Variants in TNFRSF12A observed in about 807,000 individuals in gnomAD.
TNFRSF12A encodes TNF receptor superfamily member 12A.
TNFRSF12A carries 13 observed loss-of-function variants against 15.5 expected under a neutral mutation model. The ratio of observed to expected loss-of-function variants is 0.84; its 90% CI spans 0.54 to 1.33. TNFRSF12A has a LOEUF of 1.33. Among genes scored for constraint, TNFRSF12A ranks in the 40% most tolerant of loss-of-function variants. The probability of loss-of-function intolerance (pLI) is 0.00; values close to 1 mark genes in which losing one functional copy is unlikely to be tolerated. For synonymous variants in TNFRSF12A, 89 were observed against 78.4 expected (o/e 1.14, Z -0.71); for missense variants, 174 against 173.6 (o/e 1.00, Z -0.01).
At chr16:3,021,728 G>A (rs779552757) in intron 3 of TNFRSF12A, 39 bp downstream of exon 3, 1 of 1,611,146 alleles carries the variant, frequency 6.2e-7, no homozygotes, top group Non-Finnish European at 8.5e-7. Context: ...GTCAGCACTC[G>A]ACCTTTTCTC....
rs2072620632 is a variant in TNFRSF12A at position 3,022,199 on chromosome 16, T to A, written c.*373T>A. 1 of 399,906 alleles carries A rather than the reference T, an allele frequency of 2.5e-6. No individual in the cohort carries two copies. Among genetic ancestry groups the A allele is most frequent in the Non-Finnish European group, 4.4e-6 (1 of 226,392 alleles). The allele number at this position is 399,906 out of a possible 1,614,324, so 24.8% of individuals were successfully genotyped here. Reference sequence around the variant, plus strand: ...CCCACTCACTCAGATGTCCTGAAATTCCACCACGGGGGTCACCCTGGGGGG... The same window carrying A: ...CCCACTCACTCAGATGTCCTGAAATACCACCACGGGGGTCACCCTGGGGGG... On this transcript the variant is annotated 3_prime_UTR_variant, in exon 4 of 4. Transcript: ENST00000326577.
At chr16:3,021,458 G>A in intron 2 of TNFRSF12A, 97 bp from the exon 3 acceptor site, 1 of 1,445,532 alleles carries the variant, frequency 6.9e-7, no homozygotes, top group South Asian at 1.4e-5. Context: ...CTCCGGTCAG[G>A]GAGGAGGCCA....
rs768638892 is a variant in TNFRSF12A, at chr16:3,020,383, C to T, written c.-15C>T. The stretch of plus-strand genomic sequence containing the variant: ...GGCGGCGGGCGCAGACAGCGGCGGG[C>T]GCAGGACGTGCACTATGGCTCGGGG... On this transcript the variant is annotated 5_prime_UTR_variant, in exon 1 of 4. Coordinates refer to ENST00000326577, the MANE Select transcript of TNFRSF12A (RefSeq NM_016639.3). The T allele has an allele frequency of 9.3e-6, 12 of 1,285,226 alleles. No homozygotes were observed. The highest frequency in any genetic ancestry group is 1.2e-5 in the Non-Finnish European group (12 of 1,016,212). 79.6% of individuals were successfully genotyped at this position (1,285,226 alleles called of 1,614,324 possible).
intron 1 of TNFRSF12A, chr16:3,020,846 A>T (rs1225992973): frequency 2.5e-6 from 1 of 406,426 alleles, no homozygotes; most frequent in East Asian, 3.6e-5. Flanking sequence ...GTGATCGACG[A>T]GTTGGGGAGG....
rs1249561897 is a variant in TNFRSF12A, at chr16:3,022,068, T to C, written c.*242T>C. 5.6e-6 allele frequency: 3 copies of C among 533,920 alleles called. No homozygotes were observed. Among genetic ancestry groups the C allele is most frequent in the African/African-American group, 3.9e-5 (2 of 51,356 alleles). The allele number at this position is 533,920 out of a possible 1,614,324, so 33.1% of individuals were successfully genotyped here. The stretch of plus-strand genomic sequence containing the variant: ...CTCACGCTGGCTCACACAAAACAGC[T>C]GACACTGACTAAGGAACTGCAGCAT... On this transcript the variant is annotated 3_prime_UTR_variant, in exon 4 of 4. Coordinates refer to ENST00000326577, the MANE Select transcript of TNFRSF12A (RefSeq NM_016639.3).
At chr16:3,020,657 A>G (rs1337423820) in intron 1 of TNFRSF12A, 166 bp downstream of exon 1, 4 of 430,152 alleles carry the variant, frequency 9.3e-6, no homozygotes, top group Non-Finnish European at 1.2e-5. Flanking sequence ...TCACTCTCCA[A>G]GCTTCATTCA....
Position 3,022,215 on chromosome 16 carries a change from C to T in TNFRSF12A, c.*389C>T. On this transcript the variant is annotated 3_prime_UTR_variant, in exon 4 of 4. Coordinates refer to ENST00000326577, the MANE Select transcript of TNFRSF12A (RefSeq NM_016639.3). ...TCCTGAAATTCCACCACGGGGGTCA[C>T]CCTGGGGGGTTAGGGACCTATTTTT... 1 of 392,918 alleles carries T rather than the reference C, an allele frequency of 2.5e-6. No homozygotes were observed. Among genetic ancestry groups the T allele is most frequent in the Admixed American group, 4.5e-5 (1 of 22,332 alleles). The allele number at this position is 392,918 out of a possible 1,614,324, so 24.3% of individuals were successfully genotyped here.
chr16:3,021,184 C>T (rs1294458764), intron 1 of TNFRSF12A, 31 bp from the exon 2 acceptor site: 5 of 1,279,012 alleles, frequency 3.9e-6, no homozygotes, highest in East Asian at 5.0e-5. Context: ...GAGTCCCGCC[C>T]CCAGCCTCTG....
rs1475652987 is a variant in TNFRSF12A at position 3,020,475 on chromosome 16, C to T, written c.78C>T (p.Ala26=). 1 of 1,294,390 alleles carries T rather than the reference C, an allele frequency of 7.7e-7. No individual in the cohort carries two copies. Among genetic ancestry groups the T allele is most frequent in the Non-Finnish European group, 9.8e-7 (1 of 1,020,084 alleles). The allele number at this position is 1,294,390 out of a possible 1,614,324, so 80.2% of individuals were successfully genotyped here. ...GLWLALLRSV[A]GEQAPGTAPC... The stretch of plus-strand genomic sequence containing the variant: ...GGCTGGCGTTGCTGCGCTCCGTGGC[C>T]GGGGAGCAAGCGCCAGGTACGCGGG... The change falls in exon 1 of 4, where the codon GCC becomes GCT. Residue 26 remains alanine, a synonymous_variant. Transcript: ENST00000326577.
At position 3,022,027 on chromosome 16, in the gene TNFRSF12A, A is replaced by G. The variant is rs2072617590; in HGVS notation, c.*201A>G. ...GTCTGGTTGCCCTGCCTCTGGCTCC[A>G]GAACAGAAAGGGAGCCTCACGCTGG... On this transcript the variant is annotated 3_prime_UTR_variant, in exon 4 of 4. Coordinates refer to ENST00000326577, the MANE Select transcript of TNFRSF12A (RefSeq NM_016639.3). 1.7e-6 allele frequency: 1 copy of G among 580,058 alleles called. No individual in the cohort carries two copies. The highest frequency in any genetic ancestry group is 3.0e-5 in the East Asian group (1 of 33,124). The allele number at this position is 580,058 out of a possible 1,614,324, so 35.9% of individuals were successfully genotyped here.
At chr16:3,020,542 G>T in intron 1 of TNFRSF12A, 51 bp downstream of exon 1, 3 of 1,225,144 alleles carry the variant, frequency 2.4e-6, no homozygotes, top group Non-Finnish European at 3.1e-6. Context: ...TCGGGAGCCG[G>T]ACTGGGTGTC....
chr16:3,021,262 A>C lies in TNFRSF12A; in HGVS notation c.142A>C (p.Lys48Gln). ...CAGCTCCTGGAGCGCGGACCTGGACAAGTGCATGGACTGCGCGTCTTGCAG... is the reference window on the plus strand; with the variant it reads ...CAGCTCCTGGAGCGCGGACCTGGACCAGTGCATGGACTGCGCGTCTTGCAG... ...RGSSWSADLD[K>Q]CMDCASCRAR... The change falls in exon 2 of 4, where the codon AAG (lysine) becomes CAG (glutamine). Residue 48 changes from lysine (K) to glutamine (Q), a missense_variant. Lys to Gln is a moderately conservative substitution (Grantham distance 53). Transcript: ENST00000326577. 6.3e-7 allele frequency: 1 copy of C among 1,592,928 alleles called. No homozygotes were observed. Among genetic ancestry groups the C allele is most frequent in the Non-Finnish European group, 8.5e-7 (1 of 1,175,160 alleles).
chr16:3,020,877 CTGT>C, intron 1 of TNFRSF12A: 2 of 426,168 alleles, frequency 4.7e-6, no homozygotes, highest in Non-Finnish European at 8.2e-6. Context: ...GCACTAGGGT[CTGT>C]GCCCTCTATA....
chr16:3,020,812 C>A lies in TNFRSF12A; in HGVS notation c.94+321C>A. 3 of 400,094 alleles carry A rather than the reference C, an allele frequency of 7.5e-6. No individual in the cohort carries two copies. The South Asian group carries it at 3.5e-4, about 47-fold the overall frequency. 24.8% of individuals were successfully genotyped at this position (400,094 alleles called of 1,614,324 possible). On this transcript the variant is annotated intron_variant, in intron 1 of 3. Transcript: ENST00000326577. ...GGAAGGGGCACGCCCCCAGCCTGGT[C>A]CGTACAGGGTCTAACTAGCCCCAGT... is the stretch of plus-strand genomic sequence containing the variant.
chr16:3,020,860 TCG>T, intron 1 of TNFRSF12A: 1 of 406,824 alleles, frequency 2.5e-6, no homozygotes, highest in Non-Finnish European at 4.3e-6. Flanking sequence ...GGGGAGGCCG[TCG>T]AGAGGCACTA....
chr16:3,021,551 C>A lies in TNFRSF12A; in HGVS notation c.200-4C>A. 6.2e-7 allele frequency: 1 copy of A among 1,601,136 alleles called. No homozygotes were observed. The highest frequency in any genetic ancestry group is 8.5e-7 in the Non-Finnish European group (1 of 1,173,554). ...CGAGGTCTGACTCCGAGTCCCGCCC[C>A]CAGGCGCTGCAGCACCTCCTGCCCC... On this transcript the variant is annotated splice_polypyrimidine_tract_variant and splice_region_variant and intron_variant, in intron 2 of 3. Coordinates refer to ENST00000326577, the MANE Select transcript of TNFRSF12A (RefSeq NM_016639.3).
chr16:3,021,574 C>T lies in TNFRSF12A; in HGVS notation c.219C>T (p.Ala73=), dbSNP rs1275640289. 6.2e-7 allele frequency: 1 copy of T among 1,611,520 alleles called. No individual in the cohort carries two copies. Among genetic ancestry groups the T allele is most frequent in the South Asian group, 1.1e-5 (1 of 90,896 alleles). The change falls in exon 3 of 4, where the codon GCC becomes GCT. Residue 73 remains alanine, a synonymous_variant. Coordinates refer to ENST00000326577, the MANE Select transcript of TNFRSF12A (RefSeq NM_016639.3). ...FCLGCAAAPP[A]PFRLLWPILG... ...CCCCAGGCGCTGCAGCACCTCCTGC[C>T]CCCTTCCGGCTGCTTTGGCCCATCC...
Position 3,022,341 on chromosome 16 carries a change from A to G in TNFRSF12A, c.*515A>G. On this transcript the variant is annotated 3_prime_UTR_variant, in exon 4 of 4. Coordinates refer to ENST00000326577, the MANE Select transcript of TNFRSF12A (RefSeq NM_016639.3). Reference sequence around the variant, plus strand: ...GATATTTATTTTGGGGAGAGTTTGGAGGGGAGGGAGAATTTATTAATAAAA... The same window carrying G: ...GATATTTATTTTGGGGAGAGTTTGGGGGGGAGGGAGAATTTATTAATAAAA... 4.8e-6 allele frequency: 1 copy of G among 210,526 alleles called. No homozygotes were observed. The highest frequency in any genetic ancestry group is 9.4e-6 in the Non-Finnish European group (1 of 106,654). The allele number at this position is 210,526 out of a possible 1,614,324, so 13.0% of individuals were successfully genotyped here. A position where few individuals can be genotyped will look rare whatever the true frequency, so the allele number is the denominator to read the frequency against.
chr16:3,021,548 C>T lies in TNFRSF12A; in HGVS notation c.200-7C>T, dbSNP rs1283621507. The T allele has an allele frequency of 6.9e-6, 11 of 1,597,426 alleles. No homozygotes were observed. The East Asian group carries it at 1.8e-4, about 26-fold the overall frequency. On this transcript the variant is annotated splice_polypyrimidine_tract_variant and splice_region_variant and intron_variant, in intron 2 of 3. Transcript: ENST00000326577. Reference sequence around the variant, plus strand: ...GGGCGAGGTCTGACTCCGAGTCCCGCCCCCAGGCGCTGCAGCACCTCCTGC... The same window carrying T: ...GGGCGAGGTCTGACTCCGAGTCCCGTCCCCAGGCGCTGCAGCACCTCCTGC...
Sources: allele counts gnomAD v4.1 joint callset, GRCh38; gene constraint gnomAD v4.1.1; transcripts MANE v1.5; gene names NCBI Gene and HGNC (gene_info 2026-07-23, HGNC 2026-07-21).